The following MIB1 variants were observed in gnomAD, a reference collection of about 807,000 sequenced individuals.
The protein encoded by MIB1 is E3 ubiquitin-protein ligase MIB1.
In MIB1, 278 loss-of-function variants were observed where a neutral mutation model predicts 124.5. That is an observed-to-expected ratio of 2.23 (90% confidence interval 2.02 to 2.47). The LOEUF is 2.47. Among genes scored for constraint, MIB1 ranks in the 30% most tolerant of loss-of-function variants. MIB1 has a pLI of 0.00. For missense variants in MIB1, 957 were observed against 1,254.4 expected, an observed-to-expected ratio of 0.76 and a Z score of 3.58; for synonymous variants, 446 against 429.4, an observed-to-expected ratio of 1.04 and a Z score of -0.48.
chr18:21,814,719 A>G (rs1231793681), intron 10 of MIB1, among the ~76,000 whole-genome samples: 1 of 151,672 alleles, frequency 6.6e-6, no homozygotes. Flanking sequence ...GATTACAGGC[A>G]TGTGCCACCA....
intron 1 of MIB1, among the ~76,000 whole-genome samples, chr18:21,735,687 G>T (rs10083968): frequency 0.034 from 5,104 of 152,264 alleles, 289 homozygotes; most frequent in African/African-American, 0.12. Context: ...AGCTTGGTCG[G>T]GGGGAGGGGC....
At chr18:21,706,088 T>C (rs1000108612) in intron 1 of MIB1, among the ~76,000 whole-genome samples, 4 of 152,184 alleles carry the variant, frequency 2.6e-5, no homozygotes, top group Non-Finnish European at 4.4e-5. Flanking sequence ...TTTTGTTTTG[T>C]TTTGTTTTTT....
chr18:21,732,986 C>T lies in MIB1; in HGVS notation n.167+27863C>T, dbSNP rs375873576. Among the ~76,000 whole-genome samples the T allele has an allele frequency of 6.6e-5, 10 of 152,154 alleles. No individual in the cohort carries two copies. In the South Asian group the frequency reaches 8.3e-4, roughly 13 times the overall value. On this transcript the variant is annotated intron_variant and non_coding_transcript_variant, in intron 1 of 20. Transcript: ENST00000578646. ...AAAATCCCTCCAGCATCTCAAAAAA[C>T]GGTTGCCATGACCTTTGCTTGTGAC...
upstream of MIB1, among the ~76,000 whole-genome samples, chr18:21,738,583 G>A (rs182349188): frequency 4.1e-4 from 63 of 151,838 alleles, no homozygotes; most frequent in Middle Eastern, 0.01. Flanking sequence ...CGAGGCGGGC[G>A]GATCACGAGG....
chr18:21,740,444 C>G (rs1301016192), upstream of MIB1, among the ~76,000 whole-genome samples: 5 of 152,230 alleles, frequency 3.3e-5, no homozygotes, highest in Non-Finnish European at 7.3e-5. Flanking sequence ...CACACAAATA[C>G]AGATCGCCCT....
chr18:21,720,395 TAAAC>T (rs1413916721), intron 1 of MIB1, among the ~76,000 whole-genome samples: 1 of 152,092 alleles, frequency 6.6e-6, no homozygotes, highest in Non-Finnish European at 1.5e-5. Context: ...CCTGCAGAGA[TAAAC>T]AACACTTCAG....
At chr18:21,831,611 C>T (rs771671098) in intron 12 of MIB1, among the ~76,000 whole-genome samples, 1 of 151,982 alleles carries the variant, frequency 6.6e-6, no homozygotes, top group Non-Finnish European at 1.5e-5. Flanking sequence ...GTTCATCCTG[C>T]GGTCCAAACA....
chr18:21,775,441 T>C (rs993062337), intron 4 of MIB1, among the ~76,000 whole-genome samples: 13 of 152,142 alleles, frequency 8.5e-5, no homozygotes, highest in African/African-American at 2.7e-4. Context: ...AGGGTCTTGC[T>C]ATATTGTCCA....
chr18:21,743,138 A>T (rs1010501894), intron 1 of MIB1, among the ~76,000 whole-genome samples: 1 of 152,214 alleles, frequency 6.6e-6, no homozygotes, highest in African/African-American at 2.4e-5. Context: ...AAGAAAATGA[A>T]AAGATTCAAC....
chr18:21,829,776 C>G (rs746190403), intron 12 of MIB1, among the ~76,000 whole-genome samples: 2 of 152,000 alleles, frequency 1.3e-5, no homozygotes, highest in Non-Finnish European at 2.9e-5. Context: ...AATACAAATT[C>G]AAATAGATGT....
intron 1 of MIB1, among the ~76,000 whole-genome samples, chr18:21,742,638 A>C (rs2040867702): frequency 6.6e-6 from 1 of 152,168 alleles, no homozygotes; most frequent in African/African-American, 2.4e-5. Context: ...TAAATGATTA[A>C]ACCAAAGGCT....
chr18:21,761,848 T>C (rs1779867512), intron 1 of MIB1, among the ~76,000 whole-genome samples: 1 of 152,112 alleles, frequency 6.6e-6, no homozygotes, highest in South Asian at 2.1e-4. Context: ...ATTTTACCAT[T>C]TTAAGGAAAG....
intron 1 of MIB1, among the ~76,000 whole-genome samples, chr18:21,730,521 T>C (rs2040764133): frequency 1.3e-5 from 2 of 152,104 alleles, no homozygotes; most frequent in Admixed American, 1.3e-4. Context: ...TGAGCCGAGA[T>C]CACGCCACTG....
At chr18:21,831,739 G>C (rs976826445) in intron 12 of MIB1, among the ~76,000 whole-genome samples, 1 of 151,782 alleles carries the variant, frequency 6.6e-6, no homozygotes, top group Non-Finnish European at 1.5e-5. Context: ...CTGAGCTTGC[G>C]CTGAGACTAG....
chr18:21,811,858 A>G (rs1279252666), intron 10 of MIB1, among the ~76,000 whole-genome samples: 1 of 152,164 alleles, frequency 6.6e-6, no homozygotes, highest in Non-Finnish European at 1.5e-5. Flanking sequence ...GTACATTTAA[A>G]AATGGTGAAG....
chr18:21,734,488 C>T (rs1258834810), intron 1 of MIB1, among the ~76,000 whole-genome samples: 1 of 150,562 alleles, frequency 6.6e-6, no homozygotes, highest in Non-Finnish European at 1.5e-5. Flanking sequence ...TTCTCTCTCT[C>T]TCTCTCTCTT....
chr18:21,828,080 T>C (rs1164183688), intron 12 of MIB1: 1 of 151,966 alleles, frequency 6.6e-6, no homozygotes, highest in African/African-American at 2.4e-5. Flanking sequence ...TAAAAGTATT[T>C]TGATATTTCT....
At chr18:21,794,963 A>G (rs2041556345) in intron 7 of MIB1, among the ~76,000 whole-genome samples, 1 of 152,086 alleles carries the variant, frequency 6.6e-6, no homozygotes. Context: ...AAACGACTGT[A>G]GAGACATCAA....
At chr18:21,755,557 C>T (rs1454416365) in intron 1 of MIB1, among the ~76,000 whole-genome samples, 3 of 152,078 alleles carry the variant, frequency 2.0e-5, no homozygotes, top group Admixed American at 6.5e-5. Flanking sequence ...CCTCGTGATC[C>T]GCCTGCCTCA....
Sources: gnomAD v4.1 joint callset for allele counts (sites outside exome capture counted in the v4.1 genomes callset) on GRCh38, gnomAD v4.1.1 for gene constraint, MANE v1.5 for transcripts, NCBI Gene and HGNC (gene_info 2026-07-23, HGNC 2026-07-21) for gene names.